The following KIF26B variants were observed in gnomAD, a reference collection of about 807,000 sequenced individuals.
KIF26B encodes kinesin family member 26B.
In KIF26B, 63 loss-of-function variants were observed where a neutral mutation model predicts 151.2. The ratio of observed to expected loss-of-function variants is 0.42; its 90% CI spans 0.34 to 0.51. KIF26B has a LOEUF of 0.51. KIF26B is among the 20% of genes least tolerant of loss of function. The pLI is 0.07. For missense variants in KIF26B, 2,813 were observed against 2,913.6 expected (o/e 0.97, Z 0.79); for synonymous variants, 1,357 against 1,262.1 (o/e 1.08, Z -1.59).
chr1:245,429,660 C>A (rs1044929780), intron 4 of KIF26B, among the ~76,000 whole-genome samples: 1 of 152,282 alleles, frequency 6.6e-6, no homozygotes, highest in African/African-American at 2.4e-5. Context: ...GTCTCCCAGC[C>A]CAGATTGCAG....
intron 4 of KIF26B, among the ~76,000 whole-genome samples, chr1:245,505,492 C>G (rs913935222): frequency 1.3e-5 from 2 of 152,120 alleles, no homozygotes; most frequent in Non-Finnish European, 2.9e-5. Flanking sequence ...TTCAGTGATT[C>G]TCCTGCCTCA....
At chr1:245,337,252 AC>A (rs1553348117) in intron 2 of KIF26B, among the ~76,000 whole-genome samples, 1 of 147,640 alleles carries the variant, frequency 6.8e-6, no homozygotes, top group Non-Finnish European at 1.5e-5. Flanking sequence ...GCTCACTGCA[AC>A]CTCTACCTCC....
At chr1:245,677,736 A>G (rs889897984) in intron 10 of KIF26B, among the ~76,000 whole-genome samples, 14 of 152,292 alleles carry the variant, frequency 9.2e-5, no homozygotes, top group African/African-American at 3.4e-4. Flanking sequence ...GCAGTCATGG[A>G]CAGCGAGATC....
At position 245,565,023 on chromosome 1, in the gene KIF26B, C is replaced by T. The variant is rs148208574; in HGVS notation, c.1350+24073C>T. On this transcript the variant is annotated intron_variant, in intron 5 of 14. Transcript: ENST00000407071. ...GGGGTTAGGGAGCCCTGCTCTGTTA[C>T]AGAGAACAAAATTTGTTACGTAGGG... is the stretch of plus-strand genomic sequence containing the variant. Among the ~76,000 whole-genome samples the T allele has an allele frequency of 3.2e-4, 48 of 152,260 alleles. No individual in the cohort carries two copies. In the East Asian group the frequency reaches 7.3e-3, roughly 23 times the overall value.
intron 5 of KIF26B, among the ~76,000 whole-genome samples, chr1:245,586,557 T>C (rs1042592128): frequency 2.0e-5 from 3 of 152,144 alleles, no homozygotes; most frequent in African/African-American, 7.2e-5. Context: ...TCCAGCCAAA[T>C]TTCTTACTTC....
rs78259688 is a variant in KIF26B at position 245,489,129 on chromosome 1, A to G, written c.1167-51638A>G. 1.8e-3 allele frequency among the ~76,000 whole-genome samples: 269 copies of G among 152,358 alleles called. 8 individuals carry two copies. The East Asian group carries it at 0.04, about 23-fold the overall frequency. On this transcript the variant is annotated intron_variant, in intron 4 of 14. Transcript: ENST00000407071. ...TGGCAGCTGAACCTCTTCACTGAGA[A>G]TCTAGGTAAAGGCCACTTACTGATC...
At chr1:245,600,205 A>G (rs1288337242) in intron 5 of KIF26B, among the ~76,000 whole-genome samples, 2 of 110,958 alleles carry the variant, frequency 1.8e-5, no homozygotes, top group African/African-American at 3.6e-5. Flanking sequence ...TGCCCGGCTA[A>G]TTTTTTGTAT....
rs149714123 is a variant in KIF26B at position 245,375,866 on chromosome 1, C to T, written c.999+8499C>T. On this transcript the variant is annotated intron_variant, in intron 3 of 14. Transcript: ENST00000407071. This position sits in a 1 kb window ranked among gnomAD's most constrained non-coding sequence, Gnocchi z 4.2. ...AAACCCCGTTACCCTGCGGATCGGC[C>T]GGTCCATGCACAAGTCAGATTCTTT... Among the ~76,000 whole-genome samples, 1,018 of 152,212 alleles carry T rather than the reference C, an allele frequency of 6.7e-3. 13 individuals are homozygous for T. Among genetic ancestry groups the T allele is most frequent in the African/African-American group, 0.023 (964 of 41,530 alleles).
rs1673004303 is a variant in KIF26B, at chr1:245,367,987, C to T, written c.999+620C>T. Among the ~76,000 whole-genome samples, 1 of 152,158 alleles carries T rather than the reference C, an allele frequency of 6.6e-6. No homozygotes were observed. The highest frequency in any genetic ancestry group is 1.5e-5 in the Non-Finnish European group (1 of 68,024). The stretch of plus-strand genomic sequence containing the variant: ...TTGAACCAAAGGATATTGTGAGTCC[C>T]AGGAATCACGGTTTTAAAGCAGCCT... On this transcript the variant is annotated intron_variant, in intron 3 of 14. Coordinates refer to ENST00000407071, the MANE Select transcript of KIF26B (RefSeq NM_018012.4). This position sits in a 1 kb window ranked among gnomAD's most constrained non-coding sequence, Gnocchi z 4.2.
intron 10 of KIF26B, among the ~76,000 whole-genome samples, chr1:245,649,801 A>AG (rs2043995204): frequency 6.6e-6 from 1 of 152,026 alleles, no homozygotes; most frequent in Non-Finnish European, 1.5e-5. Context: ...ATGTGCACAG[A>AG]GGGGCTGTAG....
chr1:245,540,526 G>C lies in KIF26B; in HGVS notation c.1167-241G>C. ...GATAACACATCATTCTTTGTAAATC[G>C]TGATTGCAGAATCCTGCTATTTTAT... On this transcript the variant is annotated intron_variant, in intron 4 of 14. Coordinates refer to ENST00000407071, the MANE Select transcript of KIF26B (RefSeq NM_018012.4). This position sits in a 1 kb window ranked among gnomAD's most constrained non-coding sequence, Gnocchi z 4.6. 1 of 688,506 alleles carries C rather than the reference G, an allele frequency of 1.5e-6. No homozygotes were observed. Among genetic ancestry groups the C allele is most frequent in the Non-Finnish European group, 2.7e-6 (1 of 376,142 alleles). The allele number at this position is 688,506 out of a possible 1,614,324, so 42.6% of individuals were successfully genotyped here. A position where few individuals can be genotyped will look rare whatever the true frequency, so the allele number is the denominator to read the frequency against.
rs114714967 is a variant in KIF26B at position 245,651,840 on chromosome 1, A to C, written c.2258+5560A>C. 1.8e-3 allele frequency among the ~76,000 whole-genome samples: 268 copies of C among 151,730 alleles called. 1 individual carries two copies. Among genetic ancestry groups the C allele is most frequent in the Non-Finnish European group, 3.1e-3 (211 of 67,910 alleles). ...CAGTCTCATCCCCAAACCATTCCCT[A>C]CTCCCATTGGGTCCATGGAGAAATT... On this transcript the variant is annotated intron_variant, in intron 10 of 14. Coordinates refer to ENST00000407071, the MANE Select transcript of KIF26B (RefSeq NM_018012.4).
chr1:245,611,708 C>A, intron 8 of KIF26B, 85 bp from the exon 9 acceptor site: 1 of 1,413,982 alleles, frequency 7.1e-7, no homozygotes, highest in Non-Finnish European at 9.6e-7. Flanking sequence ...ACACAGCCAG[C>A]TGAATGGTGC....
chr1:245,301,438 C>T (rs114546149), intron 2 of KIF26B, among the ~76,000 whole-genome samples: 2,996 of 152,272 alleles, frequency 0.02, 43 homozygotes, highest in Middle Eastern at 0.054. Context: ...ATATTCCTGG[C>T]GTCTCTTCAG....
In KIF26B at chr1:245,627,032, A is replaced by G. The variant is rs1207715551; in HGVS notation, c.2098+15056A>G. On this transcript the variant is annotated intron_variant, in intron 9 of 14. Coordinates refer to ENST00000407071, the MANE Select transcript of KIF26B (RefSeq NM_018012.4). ...GTTCTTGGTGCCTTTGTCAAAAATGAGTTGGCTGTAAATAGATAGATTTAT... is the reference window on the plus strand; with the variant it reads ...GTTCTTGGTGCCTTTGTCAAAAATGGGTTGGCTGTAAATAGATAGATTTAT... Among the ~76,000 whole-genome samples the G allele has an allele frequency of 2.0e-5, 3 of 152,132 alleles. No individual in the cohort carries two copies. The East Asian group carries it at 5.8e-4, about 29-fold the overall frequency.
At chr1:245,534,322 C>T (rs1661442083) in intron 4 of KIF26B, among the ~76,000 whole-genome samples, 2 of 152,016 alleles carry the variant, frequency 1.3e-5, no homozygotes, top group African/African-American at 2.4e-5. Flanking sequence ...GCCACCATGC[C>T]CAGCTAATTT....
At chr1:245,403,814 A>G (rs1285708013) in intron 3 of KIF26B, among the ~76,000 whole-genome samples, 1 of 152,218 alleles carries the variant, frequency 6.6e-6, no homozygotes, top group African/African-American at 2.4e-5. Context: ...CTATTTAGGG[A>G]AGTAAAAGTT....
intron 3 of KIF26B, among the ~76,000 whole-genome samples, chr1:245,416,056 C>T (rs1281277695): frequency 2.0e-4 from 30 of 147,152 alleles, no homozygotes; most frequent in African/African-American, 6.1e-4. Context: ...CACCTGAGGT[C>T]GGGAGTTCGA....
intron 2 of KIF26B, among the ~76,000 whole-genome samples, chr1:245,335,730 G>T (rs376569899): frequency 6.7e-6 from 1 of 148,586 alleles, no homozygotes; most frequent in Admixed American, 6.7e-5. Context: ...AGAGTCCCAC[G>T]AGGGGAAAGG....
Sources: gnomAD v4.1 joint callset for allele counts (sites outside exome capture counted in the v4.1 genomes callset) on GRCh38, gnomAD v4.1.1 for gene constraint, Gnocchi (gnomAD v3.1) non-coding constraint, MANE v1.5 for transcripts, NCBI Gene and HGNC (gene_info 2026-07-23, HGNC 2026-07-21) for gene names.